DSG3: variants seen among roughly 807,000 people sequenced by gnomAD.
DSG3 encodes the protein desmoglein-3.
DSG3 carries 63 observed loss-of-function variants against 85.9 expected under a neutral mutation model. The observed-to-expected ratio is 0.73, with a 90% CI of 0.60 to 0.90. The LOEUF is 0.90. DSG3 is among the 40% of genes least tolerant of loss of function. DSG3 has a pLI of 0.00. For missense variants in DSG3, 1,220 were observed against 1,219.9 expected, an observed-to-expected ratio of 1.00 and a Z score of 0.00; for synonymous variants, 447 against 441.9, an observed-to-expected ratio of 1.01 and a Z score of -0.14.
At chr18:31,465,073 C>T (rs978438730) in intron 9 of DSG3, among the ~76,000 whole-genome samples, 14 of 149,294 alleles carry the variant, frequency 9.4e-5, no homozygotes, top group African/African-American at 3.2e-4. Flanking sequence ...TGTGGTGAGC[C>T]GAGATGGCAC....
rs1156819484 is a variant in DSG3, at chr18:31,461,197, G to A, written c.814-30G>A. On this transcript the variant is annotated intron_variant, in intron 7 of 15. Coordinates refer to ENST00000257189, the MANE Select transcript of DSG3 (RefSeq NM_001944.3). Reference sequence around the variant, plus strand: ...TCTCTCCATGTAAAACCTGTCATTAGGTCTTTAATTCTGCTTCTCGCCTTT... The same window carrying A: ...TCTCTCCATGTAAAACCTGTCATTAAGTCTTTAATTCTGCTTCTCGCCTTT... The A allele has an allele frequency of 3.8e-6, 6 of 1,570,714 alleles. No individual in the cohort carries two copies. In the East Asian group the frequency reaches 1.1e-4, roughly 30 times the overall value.
chr18:31,465,313 A>G lies in DSG3; in HGVS notation c.1272-5A>G. 7.2e-7 allele frequency: 1 copy of G among 1,395,980 alleles called. No individual in the cohort carries two copies. The highest frequency in any genetic ancestry group is 9.4e-7 in the Non-Finnish European group (1 of 1,066,452). The allele number at this position is 1,395,980 out of a possible 1,614,324, so 86.5% of individuals were successfully genotyped here. On this transcript the variant is annotated splice_polypyrimidine_tract_variant and splice_region_variant and intron_variant, in intron 9 of 15. Transcript: ENST00000257189. The stretch of plus-strand genomic sequence containing the variant: ...AAAACTGATTTTTTTAATATTATGA[A>G]ACAGATATGTCATGGGACGTAACGA...
chr18:31,464,028 T>C (rs1197498717), intron 8 of DSG3, 83 bp from the exon 9 acceptor site: 1 of 1,259,320 alleles, frequency 7.9e-7, no homozygotes, highest in Non-Finnish European at 1.1e-6. Flanking sequence ...TCACAGCATC[T>C]TGCATAGTGT....
chr18:31,450,835 A>G (rs565789996), intron 1 of DSG3, among the ~76,000 whole-genome samples: 14 of 152,282 alleles, frequency 9.2e-5, no homozygotes, highest in African/African-American at 3.4e-4. Context: ...TAAACCCTTT[A>G]ATTTTTATCA....
At position 31,452,088 on chromosome 18, in the gene DSG3, G is replaced by A. The variant is rs190734661; in HGVS notation, c.48+4163G>A. Among the ~76,000 whole-genome samples, 18 of 152,294 alleles carry A rather than the reference G, an allele frequency of 1.2e-4. No individual in the cohort carries two copies. In the East Asian group the frequency reaches 3.3e-3, roughly 28 times the overall value. On this transcript the variant is annotated intron_variant, in intron 1 of 15. Coordinates refer to ENST00000257189, the MANE Select transcript of DSG3 (RefSeq NM_001944.3). The stretch of plus-strand genomic sequence containing the variant: ...GCATTCACATAAACTACAGCGTGAG[G>A]AGTGCCCTGGCATTACTCAAGGAGC...
rs767412809 is a variant in DSG3 at position 31,470,151 on chromosome 18, CCTGA to C, written c.1897+805_1897+808del. Among the ~76,000 whole-genome samples the C allele has an allele frequency of 1.6e-4, 25 of 152,096 alleles. No individual in the cohort carries two copies. The East Asian group carries it at 4.6e-3, about 28-fold the overall frequency. The stretch of plus-strand genomic sequence containing the variant: ...AAGAGGTCTCTATTTAAAAGAACTT[CCTGA>C]CTAATTCTTGTATAAACAAGAGAAA... On this transcript the variant is annotated intron_variant, in intron 12 of 15. Coordinates refer to ENST00000257189, the MANE Select transcript of DSG3 (RefSeq NM_001944.3).
Position 31,471,484 on chromosome 18 carries a change from A to G in DSG3, c.1898-800A>G, listed in dbSNP as rs980177559. Among the ~76,000 whole-genome samples, 3 of 152,208 alleles carry G rather than the reference A, an allele frequency of 2.0e-5. No homozygotes were observed. The East Asian group carries it at 5.8e-4, about 29-fold the overall frequency. ...ATCTGACTTCGGAGGCTGCATGCTT[A>G]AACCCCTCACTAAGCTGCCTCTAAG... On this transcript the variant is annotated intron_variant, in intron 12 of 15. Coordinates refer to ENST00000257189, the MANE Select transcript of DSG3 (RefSeq NM_001944.3).
intron 3 of DSG3, 127 bp downstream of exon 3, chr18:31,457,251 C>A (rs760869211): frequency 6.8e-6 from 5 of 738,548 alleles, no homozygotes; most frequent in Non-Finnish European, 1.0e-5. Flanking sequence ...GAACTGGTAT[C>A]CTCAACAAAA....
At chr18:31,455,969 G>A (rs1016465990) in intron 1 of DSG3, among the ~76,000 whole-genome samples, 17 of 152,248 alleles carry the variant, frequency 1.1e-4, no homozygotes, top group Admixed American at 2.0e-4. Context: ...TGTAATTGTA[G>A]AGGACTAATA....
In DSG3 at chr18:31,474,226, G is replaced by C. The variant is rs201074636; in HGVS notation, c.2207G>C (p.Gly736Ala). 269 of 1,614,050 alleles carry C rather than the reference G, an allele frequency of 1.7e-4. No individual in the cohort carries two copies. Among genetic ancestry groups the C allele is most frequent in the Middle Eastern group, 9.9e-4 (6 of 6,084 alleles). Reference protein sequence around the residue: ...GAATESGGAAGFATGTVSGAA... With the variant: ...GAATESGGAAAFATGTVSGAA... ...GCCACTGAATCTGGAGGTGCTGCAG[G>C]CTTTGCAACAGGGACAGTGTCAGGA... is the stretch of plus-strand genomic sequence containing the variant. The change falls in exon 15 of 16, where the codon GGC becomes GCC. Residue 736 changes from glycine to alanine, a missense_variant. Coordinates refer to ENST00000257189, the MANE Select transcript of DSG3 (RefSeq NM_001944.3).
In DSG3 at chr18:31,460,934, T is replaced by G. The variant is rs550266110; in HGVS notation, c.786T>G (p.Asp262Glu). The change falls in exon 7 of 16, where the codon GAT becomes GAG. Residue 262 changes from aspartate (D) to glutamate (E), a missense_variant. By Grantham distance (45) the Asp-to-Glu change is conservative. Transcript: ENST00000257189. ...ECNIKVKDVN[D>E]NFPMFRDSQY... ...ATATTAAAGTGAAAGATGTCAACGA[T>G]AACTTCCCAATGTTTAGAGACTCTC... 1 of 1,603,564 alleles carries G rather than the reference T, an allele frequency of 6.2e-7. No individual in the cohort carries two copies. The highest frequency in any genetic ancestry group is 1.3e-5 in the African/African-American group (1 of 74,298).
rs1474512360 is a variant in DSG3, at chr18:31,473,315, C to T, written c.2101+527C>T. 2.6e-5 allele frequency among the ~76,000 whole-genome samples: 4 copies of T among 152,190 alleles called. No homozygotes were observed. In the East Asian group the frequency reaches 5.8e-4, roughly 22 times the overall value. ...ATTCAGTCATACTAGGACATGATCACTTATGTTGTCATACAGGTCATACAG... is the reference window on the plus strand; with the variant it reads ...ATTCAGTCATACTAGGACATGATCATTTATGTTGTCATACAGGTCATACAG... On this transcript the variant is annotated intron_variant, in intron 14 of 15. Coordinates refer to ENST00000257189, the MANE Select transcript of DSG3 (RefSeq NM_001944.3).
chr18:31,461,879 A>C (rs1379987105), intron 8 of DSG3, among the ~76,000 whole-genome samples: 1 of 152,228 alleles, frequency 6.6e-6, no homozygotes, highest in Non-Finnish European at 1.5e-5. Context: ...TTCCTACAAA[A>C]TGGGAATTTA....
chr18:31,467,347 A>C (rs1412647699), intron 11 of DSG3, among the ~76,000 whole-genome samples: 1 of 152,218 alleles, frequency 6.6e-6, no homozygotes, highest in Non-Finnish European at 1.5e-5. Context: ...CATCTAAAAA[A>C]AAAAAGTCAG....
At chr18:31,463,073 G>GA (rs1371526546) in intron 8 of DSG3, among the ~76,000 whole-genome samples, 1 of 152,142 alleles carries the variant, frequency 6.6e-6, no homozygotes, top group Non-Finnish European at 1.5e-5. Context: ...CCTTTAAGAT[G>GA]AAATTCACAA....
chr18:31,478,434 C>G lies in DSG3; in HGVS notation c.*2174C>G, dbSNP rs533115695. 4 of 151,932 alleles carry G rather than the reference C, an allele frequency of 2.6e-5. No individual in the cohort carries two copies. The highest frequency in any genetic ancestry group is 5.9e-5 in the Non-Finnish European group (4 of 68,000). The allele number at this position is 151,932 out of a possible 1,614,324, so 9.4% of individuals were successfully genotyped here. A position where few individuals can be genotyped will look rare whatever the true frequency, so the allele number is the denominator to read the frequency against. On this transcript the variant is annotated 3_prime_UTR_variant, in exon 16 of 16. Coordinates refer to ENST00000257189, the MANE Select transcript of DSG3 (RefSeq NM_001944.3). ...TGCATTGTTAAACTGTAGTGGAAAC[C>G]ATGCTATAGTAATAAAGGTTATATA...
rs371200207 is a variant in DSG3, at chr18:31,458,578, G to T, written c.350G>T (p.Arg117Leu). 1 of 1,613,272 alleles carries T rather than the reference G, an allele frequency of 6.2e-7. No homozygotes were observed. The highest frequency in any genetic ancestry group is 1.7e-5 in the Admixed American group (1 of 59,944). ...GDINITAIVDREETPSFLITC... is the reference protein window; with the variant it reads ...GDINITAIVDLEETPSFLITC... ...ATTAACATAACAGCTATAGTCGACC[G>T]GGAGGAAACTCCAAGCTTCCTGGTA... Residue 117 changes from arginine to leucine, a missense_variant, in exon 4 of 16, where the codon CGG (arginine) becomes CTG (leucine). Arg to Leu is a moderately radical substitution (Grantham distance 102, BLOSUM62 -2). Coordinates refer to ENST00000257189, the MANE Select transcript of DSG3 (RefSeq NM_001944.3).
At chr18:31,451,834 G>A (rs2072713380) in intron 1 of DSG3, among the ~76,000 whole-genome samples, 1 of 152,180 alleles carries the variant, frequency 6.6e-6, no homozygotes, top group Non-Finnish European at 1.5e-5. Flanking sequence ...TGCTCATGAG[G>A]TTTCTCACAA....
chr18:31,474,413 G>A lies in DSG3; in HGVS notation c.2385+9G>A. 1 of 1,588,792 alleles carries A rather than the reference G, an allele frequency of 6.3e-7. No homozygotes were observed. Among genetic ancestry groups the A allele is most frequent in the Non-Finnish European group, 8.6e-7 (1 of 1,164,890 alleles). ...ACTCCTACTTTTCTCAGGTAATTTGGTGAAAAACTTTGTGGCTTGATTATC... is the reference window on the plus strand; with the variant it reads ...ACTCCTACTTTTCTCAGGTAATTTGATGAAAAACTTTGTGGCTTGATTATC... On this transcript the variant is annotated intron_variant, in intron 15 of 15. Transcript: ENST00000257189.
Sources: allele counts gnomAD v4.1 joint callset (sites outside exome capture counted in the v4.1 genomes callset), GRCh38; gene constraint gnomAD v4.1.1; transcripts MANE v1.5; gene names NCBI Gene and HGNC (gene_info 2026-07-23, HGNC 2026-07-21).